CUX2: variants seen among roughly 807,000 people sequenced by gnomAD.
CUX2 encodes the protein cut like homeobox 2, also known as homeobox protein cut-like 2.
In CUX2, 40 loss-of-function variants were observed where a neutral mutation model predicts 144.8. The observed-to-expected ratio is 0.28, with a 90% CI of 0.21 to 0.36. CUX2 has a LOEUF of 0.36. Ranked by LOEUF, CUX2 falls within the 10% of genes least tolerant of loss-of-function variation. CUX2 has a pLI of 1.00. For missense variants in CUX2, 1,615 were observed against 1,994.0 expected, an observed-to-expected ratio of 0.81 and a Z score of 3.62; for synonymous variants, 827 against 875.6, an observed-to-expected ratio of 0.94 and a Z score of 0.98.
intron 16 of CUX2, among the ~76,000 whole-genome samples, chr12:111,316,506 G>A (rs1387580914): frequency 3.7e-4 from 53 of 143,272 alleles, no homozygotes; most frequent in Non-Finnish European, 6.4e-4. Flanking sequence ...CTGGAGTGCA[G>A]TGGTGTGATC....
chr12:111,199,755 C>T (rs548687176), intron 1 of CUX2, among the ~76,000 whole-genome samples: 21 of 151,946 alleles, frequency 1.4e-4, no homozygotes, highest in South Asian at 4.2e-4. Flanking sequence ...TGTGTCCCGG[C>T]GTCCCTGTAT....
intron 1 of CUX2, among the ~76,000 whole-genome samples, chr12:111,150,554 G>T (rs1195221689): frequency 6.6e-6 from 1 of 152,192 alleles, no homozygotes; most frequent in African/African-American, 2.4e-5. Context: ...CACAACAACA[G>T]ATGAGTGGGT....
intron 1 of CUX2, among the ~76,000 whole-genome samples, chr12:111,131,329 CT>C (rs1164095897): frequency 7.2e-5 from 11 of 152,298 alleles, no homozygotes; most frequent in African/African-American, 2.2e-4. Context: ...TTATCTCCCC[CT>C]GGGTCCCTCC....
chr12:111,205,802 T>C (rs1464725315), intron 1 of CUX2, among the ~76,000 whole-genome samples: 1 of 152,228 alleles, frequency 6.6e-6, no homozygotes, highest in South Asian at 2.1e-4. Flanking sequence ...CAGTGGTCTG[T>C]GAACCATGTC....
rs1173319689 is a variant in CUX2 at position 111,322,945 on chromosome 12, A to G, written c.2926+365A>G. 2.0e-5 allele frequency among the ~76,000 whole-genome samples: 3 copies of G among 152,224 alleles called. No homozygotes were observed. Among genetic ancestry groups the G allele is most frequent in the Non-Finnish European group, 4.4e-5 (3 of 68,042 alleles). On this transcript the variant is annotated intron_variant, in intron 18 of 21. Coordinates refer to ENST00000261726, the MANE Select transcript of CUX2 (RefSeq NM_015267.4). This position sits in a 1 kb window ranked among gnomAD's most constrained non-coding sequence, Gnocchi z 4.2. ...TCTCAGCTCTGTTTCCTGAAGACCT[A>G]GCGTGCAGCCTCAGACTCCTTCTTA...
At chr12:111,111,074 G>A (rs1873921010) in intron 1 of CUX2, among the ~76,000 whole-genome samples, 1 of 152,186 alleles carries the variant, frequency 6.6e-6, no homozygotes, top group African/African-American at 2.4e-5. Flanking sequence ...GGCCGAGGTG[G>A]GCAGATCACC....
chr12:111,295,405 T>C lies in CUX2; in HGVS notation c.633T>C (p.His211=). Residue 211 remains histidine (H), a synonymous_variant, in exon 7 of 22, where the codon CAT becomes CAC. Coordinates refer to ENST00000261726, the MANE Select transcript of CUX2 (RefSeq NM_015267.4). The surrounding 1 kb of genome is among the most constrained non-coding windows in gnomAD (Gnocchi z 5.0). ...GEAEEKIKVL[H]SALKATQAEL... ...CAGAGGAGAAAATCAAAGTCCTACA[T>C]TCAGGTATGTGTCGGCACCATGTGG... 1 of 1,611,816 alleles carries C rather than the reference T, an allele frequency of 6.2e-7. No homozygotes were observed. Among genetic ancestry groups the C allele is most frequent in the Non-Finnish European group, 8.5e-7 (1 of 1,179,060 alleles).
rs1883265993 is a variant in CUX2 at position 111,246,032 on chromosome 12, TCAGGAGCTGAGAG to T, written c.223-17726_223-17714del. On this transcript the variant is annotated intron_variant, in intron 3 of 21. Coordinates refer to ENST00000261726, the MANE Select transcript of CUX2 (RefSeq NM_015267.4). The surrounding 1 kb of genome is among the most constrained non-coding windows in gnomAD (Gnocchi z 4.0). Reference sequence around the variant, plus strand: ...AAGCAGTCTGGTCTTGCAGCTCATTTCAGGAGCTGAGAGCACAAACTTCAGGGCCAAGCTGCTC... The same window carrying T: ...AAGCAGTCTGGTCTTGCAGCTCATTTCACAAACTTCAGGGCCAAGCTGCTC... Among the ~76,000 whole-genome samples the T allele has an allele frequency of 6.6e-6, 1 of 152,162 alleles. No homozygotes were observed. The highest frequency in any genetic ancestry group is 2.4e-5 in the African/African-American group (1 of 41,426).
At chr12:111,050,196 CT>C (rs2136010990) in intron 1 of CUX2, among the ~76,000 whole-genome samples, 2 of 151,264 alleles carry the variant, frequency 1.3e-5, no homozygotes, top group South Asian at 4.2e-4. Flanking sequence ...ATACTACATT[CT>C]CTTCATTTTC....
chr12:111,177,764 ATTGAAGGTTT>A (rs1372434487), intron 1 of CUX2, among the ~76,000 whole-genome samples: 1 of 152,224 alleles, frequency 6.6e-6, no homozygotes, highest in Non-Finnish European at 1.5e-5. Context: ...GTCAGTGGTC[ATTGAAGGTTT>A]CTGACCAGGG....
chr12:111,287,358 C>T lies in CUX2; in HGVS notation c.302-4060C>T, dbSNP rs185565292. Among the ~76,000 whole-genome samples the T allele has an allele frequency of 3.3e-5, 5 of 152,366 alleles. No individual in the cohort carries two copies. The highest frequency in any genetic ancestry group is 1.9e-4 in the East Asian group (1 of 5,190). ...TGGCCCTGCGCAGTCCGCGTGGCAC[C>T]GCACCGTCTTGTGTTTGTCTAACTT... is the stretch of plus-strand genomic sequence containing the variant. On this transcript the variant is annotated intron_variant, in intron 4 of 21. Transcript: ENST00000261726. This position sits in a 1 kb window ranked among gnomAD's most constrained non-coding sequence, Gnocchi z 4.2.
intron 1 of CUX2, among the ~76,000 whole-genome samples, chr12:111,151,046 T>G (rs553705367): frequency 9.9e-5 from 15 of 152,262 alleles, no homozygotes; most frequent in Admixed American, 8.5e-4. Context: ...CATATGTAAT[T>G]TTTATCTCTT....
intron 18 of CUX2, among the ~76,000 whole-genome samples, chr12:111,323,021 G>A (rs1030784454): frequency 6.6e-6 from 1 of 152,204 alleles, no homozygotes; most frequent in Non-Finnish European, 1.5e-5. Context: ...GCACGAGCAG[G>A]CTGGAGTGTC....
intron 4 of CUX2, among the ~76,000 whole-genome samples, chr12:111,265,482 C>T (rs953824882): frequency 1.3e-5 from 2 of 151,976 alleles, no homozygotes. Context: ...GCTGGGATTA[C>T]AGGCATGCAC....
At chr12:111,325,054 G>A (rs1265682536) in intron 18 of CUX2, among the ~76,000 whole-genome samples, 1 of 151,656 alleles carries the variant, frequency 6.6e-6, no homozygotes, top group Non-Finnish European at 1.5e-5. Flanking sequence ...GGGAGGCTGA[G>A]GCAGGCGGAT....
At chr12:111,125,158 C>T (rs921396989) in intron 1 of CUX2, among the ~76,000 whole-genome samples, 1 of 151,524 alleles carries the variant, frequency 6.6e-6, no homozygotes, top group Non-Finnish European at 1.5e-5. Context: ...CATTCCCTCT[C>T]TATGGATTTA....
intron 1 of CUX2, among the ~76,000 whole-genome samples, chr12:111,213,017 G>A (rs1489898900): frequency 1.3e-5 from 2 of 152,228 alleles, no homozygotes; most frequent in African/African-American, 4.8e-5. Context: ...TTTCAACACG[G>A]TGCCGGGCCT....
chr12:111,269,595 TACAG>T (rs1310010024), intron 4 of CUX2, among the ~76,000 whole-genome samples: 6 of 151,796 alleles, frequency 4.0e-5, no homozygotes, highest in Non-Finnish European at 8.8e-5. Context: ...TGCTTGGGGG[TACAG>T]ACAGGCAGGA....
chr12:111,320,359 TACTTCG>T lies in CUX2; in HGVS notation c.2353_2358del (p.Phe785_Asp786del). On this transcript the variant is annotated inframe_deletion, in exon 17 of 22. Coordinates refer to ENST00000261726, the MANE Select transcript of CUX2 (RefSeq NM_015267.4). This position sits in a 1 kb window ranked among gnomAD's most constrained non-coding sequence, Gnocchi z 8.1. Reference sequence around the variant, plus strand: ...CAAGTCCGAGATCGGCGACGCCGGCTACTTCGACCACCACTGGGCCTCCGACCGCGG... The same window carrying T: ...CAAGTCCGAGATCGGCGACGCCGGCTACCACCACTGGGCCTCCGACCGCGG... The T allele has an allele frequency of 6.3e-7, 1 of 1,598,112 alleles. No individual in the cohort carries two copies. Among genetic ancestry groups the T allele is most frequent in the Non-Finnish European group, 8.5e-7 (1 of 1,179,152 alleles).
Sources: gnomAD v4.1 joint callset for allele counts (sites outside exome capture counted in the v4.1 genomes callset) on GRCh38, gnomAD v4.1.1 for gene constraint, Gnocchi (gnomAD v3.1) non-coding constraint, MANE v1.5 for transcripts, NCBI Gene and HGNC (gene_info 2026-07-23, HGNC 2026-07-21) for gene names.